The following AQR variants were observed in gnomAD, a reference collection of about 807,000 sequenced individuals.
The protein encoded by AQR is aquarius intron-binding spliceosomal factor.
AQR carries 61 observed loss-of-function variants against 180.5 expected under a neutral mutation model. The observed-to-expected ratio is 0.34, with a 90% CI of 0.28 to 0.42. The LOEUF is 0.42. AQR is among the 10% of genes least tolerant of loss of function. The pLI is 1.00. For missense variants in AQR, 1,281 were observed against 1,798.3 expected (o/e 0.71, Z 5.20); for synonymous variants, 551 against 588.8 (o/e 0.94, Z 0.93).
chr15:34,918,189 T>C, intron 15 of AQR, 69 bp downstream of exon 15: 19 of 1,547,524 alleles, frequency 1.2e-5, no homozygotes, highest in East Asian at 2.3e-5. Flanking sequence ...CTGCCTATAA[T>C]TGCCAATTAT....
chr15:34,962,526 T>C (rs902581674), intron 2 of AQR, among the ~76,000 whole-genome samples: 2 of 152,102 alleles, frequency 1.3e-5, no homozygotes, highest in African/African-American at 4.8e-5. Context: ...CCCACCACTT[T>C]GGGAGGCCAA....
chr15:34,868,673 C>T (rs1345786697), intron 31 of AQR: 1 of 152,132 alleles, frequency 6.6e-6, no homozygotes, highest in Non-Finnish European at 1.5e-5. Context: ...TCTGCATCCC[C>T]CAGCCCCAGG....
At chr15:34,912,107 G>T (rs976912716) in intron 16 of AQR, among the ~76,000 whole-genome samples, 3 of 151,936 alleles carry the variant, frequency 2.0e-5, no homozygotes, top group African/African-American at 7.3e-5. Context: ...TTTACTTCTG[G>T]GCTTTCTGTT....
intron 5 of AQR, among the ~76,000 whole-genome samples, chr15:34,947,199 C>A (rs1211951014): frequency 6.6e-6 from 1 of 151,566 alleles, no homozygotes; most frequent in Non-Finnish European, 1.5e-5. Flanking sequence ...TCCTGTTGAT[C>A]GGTGACCTTA....
intron 27 of AQR, among the ~76,000 whole-genome samples, chr15:34,879,618 T>C (rs953051429): frequency 8.5e-5 from 13 of 152,218 alleles, no homozygotes; most frequent in Admixed American, 4.6e-4. Flanking sequence ...AGCTTTTTTT[T>C]CCCTCAAAAA....
chr15:34,946,448 C>T (rs1332239667), intron 5 of AQR, among the ~76,000 whole-genome samples: 9 of 137,034 alleles, frequency 6.6e-5, no homozygotes, highest in Admixed American at 4.3e-4. Context: ...GTCAGCCCCC[C>T]GCCCGGCCAG....
At chr15:34,932,251 G>T in intron 11 of AQR, 67 bp downstream of exon 11, 1 of 1,335,662 alleles carries the variant, frequency 7.5e-7, no homozygotes. Flanking sequence ...ACTCCCAGTT[G>T]TGTGGCAAAG....
At position 34,859,062 on chromosome 15, in the gene AQR, T is replaced by C. The variant is rs112552288; in HGVS notation, c.4143+980A>G. Among the ~76,000 whole-genome samples, 1,305 of 152,304 alleles carry C rather than the reference T, an allele frequency of 8.6e-3. 20 individuals are homozygous for C. The highest frequency in any genetic ancestry group is 0.03 in the African/African-American group (1,234 of 41,566). On this transcript the variant is annotated intron_variant, in intron 34 of 34. Coordinates refer to ENST00000156471, the MANE Select transcript of AQR (RefSeq NM_014691.3). ...AATCATAAAAGAACACTTTGATACA[T>C]TGAACTTCATCAAAATTTAAAACTT...
intron 11 of AQR, among the ~76,000 whole-genome samples, chr15:34,931,735 G>A (rs375355082): frequency 1.7e-4 from 26 of 152,256 alleles, no homozygotes; most frequent in African/African-American, 5.8e-4. Flanking sequence ...TTGAACCCAG[G>A]AGGCGGAGGT....
chr15:34,923,108 C>T (rs991117304), intron 13 of AQR, among the ~76,000 whole-genome samples: 1 of 152,098 alleles, frequency 6.6e-6, no homozygotes, highest in Admixed American at 6.6e-5. Flanking sequence ...AGACCACATT[C>T]GCATAACTTT....
intron 10 of AQR, 125 bp downstream of exon 10, chr15:34,934,446 A>G (rs961204935): frequency 2.5e-6 from 1 of 399,452 alleles, no homozygotes; most frequent in African/African-American, 2.1e-5. Context: ...ATTGAAATAT[A>G]TAATAAATAT....
At chr15:34,947,046 A>G (rs1284737265) in intron 5 of AQR, among the ~76,000 whole-genome samples, 1 of 152,230 alleles carries the variant, frequency 6.6e-6, no homozygotes, top group Admixed American at 6.5e-5. Context: ...CATGATGACA[A>G]TGGCGGTTTT....
chr15:34,904,487 T>C lies in AQR; in HGVS notation c.1850A>G (p.Asn617Ser), dbSNP rs1310437647. 1.2e-6 allele frequency: 2 copies of C among 1,611,534 alleles called. No individual in the cohort carries two copies. Among genetic ancestry groups the C allele is most frequent in the Non-Finnish European group, 8.5e-7 (1 of 1,178,932 alleles). Residue 617 changes from asparagine (N) to serine (S), a missense_variant, in exon 19 of 35, where the codon AAT (asparagine) becomes AGT (serine). Coordinates refer to ENST00000156471, the MANE Select transcript of AQR (RefSeq NM_014691.3). ...VIEDGPEPRP[N>S]LRGESRTFRV... ...AAATGTCCTTGATTCTCCTCTAAGA[T>C]TGGGTCTGGGTTCAGGTCCTGGACA...
chr15:34,892,052 T>A (rs190518929), intron 23 of AQR, among the ~76,000 whole-genome samples: 1 of 152,308 alleles, frequency 6.6e-6, no homozygotes, highest in African/African-American at 2.4e-5. Flanking sequence ...TGCTTCTGTA[T>A]ATACCAACTC....
rs201590571 is a variant in AQR, at chr15:34,948,309, G to A, written c.285C>T (p.Cys95=). Residue 95 remains cysteine, a synonymous_variant, in exon 5 of 35, where the codon TGC becomes TGT. Coordinates refer to ENST00000156471, the MANE Select transcript of AQR (RefSeq NM_014691.3). ...CTCTAAACTTCTCATTCACCATACA[G>A]CAGATTGACATTAAATAGGCCTTGC... ...VSSKAYLMSI[C]CMVNEKFREN... is the part of the protein sequence containing the mutation. 1,850 of 1,613,492 alleles carry A rather than the reference G, an allele frequency of 1.1e-3. 1 individual carries two copies. The highest frequency in any genetic ancestry group is 1.5e-3 in the Non-Finnish European group (1,785 of 1,179,958).
chr15:34,852,695 T>C lies in AQR; in HGVS notation c.*4097A>G, dbSNP rs1315120031. Reference sequence around the variant, plus strand: ...TTAATTAGCTAACAGTGCATTGTGATTCTGCAAAGGAGGAACAATAATTCA... The same window carrying C: ...TTAATTAGCTAACAGTGCATTGTGACTCTGCAAAGGAGGAACAATAATTCA... On this transcript the variant is annotated 3_prime_UTR_variant, in exon 35 of 35. Transcript: ENST00000156471. The C allele has an allele frequency of 2.0e-5, 3 of 152,228 alleles. No individual in the cohort carries two copies. Among genetic ancestry groups the C allele is most frequent in the African/African-American group, 7.2e-5 (3 of 41,454 alleles). 9.4% of individuals were successfully genotyped at this position (152,228 alleles called of 1,614,324 possible). A position where few individuals can be genotyped will look rare whatever the true frequency, so the allele number is the denominator to read the frequency against.
chr15:34,897,500 T>A, intron 21 of AQR, 59 bp downstream of exon 21: 1 of 1,580,686 alleles, frequency 6.3e-7, no homozygotes, highest in African/African-American at 1.4e-5. Flanking sequence ...ACATTCCTAA[T>A]CCAGTTGAAA....
chr15:34,882,743 T>G, intron 26 of AQR, 104 bp from the exon 27 acceptor site: 1 of 991,034 alleles, frequency 1.0e-6, no homozygotes, highest in Non-Finnish European at 1.4e-6. Context: ...AACATAAATA[T>G]ATTATAAACT....
At chr15:34,946,128 G>A (rs1286270597) in intron 5 of AQR, among the ~76,000 whole-genome samples, 2 of 152,014 alleles carry the variant, frequency 1.3e-5, no homozygotes, top group African/African-American at 4.8e-5. Context: ...ACAATTAGCT[G>A]GGCATGGTGG....
Sources: gnomAD v4.1 joint callset for allele counts (sites outside exome capture counted in the v4.1 genomes callset) on GRCh38, gnomAD v4.1.1 for gene constraint, MANE v1.5 for transcripts, NCBI Gene and HGNC (gene_info 2026-07-23, HGNC 2026-07-21) for gene names.